Variants in KCNH8 observed in about 807,000 individuals in gnomAD.
The protein encoded by KCNH8 is potassium voltage-gated channel subfamily H member 8, also known as voltage-gated delayed rectifier potassium channel KCNH8.
In KCNH8, 70 loss-of-function variants were observed where a neutral mutation model predicts 103.6. The ratio of observed to expected loss-of-function variants is 0.68; its 90% confidence interval spans 0.56 to 0.82. The LOEUF (loss-of-function observed/expected upper bound fraction) is 0.82. Ranked by LOEUF, KCNH8 falls within the 40% of genes least tolerant of loss-of-function variation. KCNH8 has a pLI of 0.00. For missense variants in KCNH8, 1,217 were observed against 1,329.9 expected (o/e 0.92, Z 1.32); for synonymous variants, 498 against 489.4 (o/e 1.02, Z -0.23).
At chr3:19,368,897 TAA>T (rs2066048890) in intron 5 of KCNH8, among the ~76,000 whole-genome samples, 1 of 152,042 alleles carries the variant, frequency 6.6e-6, no homozygotes, top group African/African-American at 2.4e-5. Flanking sequence ...TCAAAATATT[TAA>T]AGTTTAGTTA....
chr3:19,246,680 G>A (rs995774303), intron 1 of KCNH8, among the ~76,000 whole-genome samples: 8 of 151,978 alleles, frequency 5.3e-5, no homozygotes, highest in African/African-American at 1.2e-4. Context: ...ATCCTCAGCC[G>A]CATACTCCTT....
At chr3:19,179,702 A>C (rs1447401639) in intron 1 of KCNH8, among the ~76,000 whole-genome samples, 8 of 152,186 alleles carry the variant, frequency 5.3e-5, no homozygotes, top group Non-Finnish European at 4.4e-5. Context: ...GTAAAGTCGT[A>C]GGGGAAACAG....
At chr3:19,232,013 A>AT (rs1486185158) in intron 1 of KCNH8, among the ~76,000 whole-genome samples, 2 of 152,210 alleles carry the variant, frequency 1.3e-5, no homozygotes, top group African/African-American at 4.8e-5. Flanking sequence ...AGAGGTCACT[A>AT]TGCTGAATTG....
At chr3:19,358,175 TC>T (rs869049638) in intron 5 of KCNH8, among the ~76,000 whole-genome samples, 1 of 40,574 alleles carries the variant, frequency 2.5e-5, no homozygotes, top group Non-Finnish European at 4.4e-5. Context: ...TTCCTTTTCT[TC>T]CTTCCTTCCT....
chr3:19,413,149 GAA>G (rs34011275), intron 7 of KCNH8, among the ~76,000 whole-genome samples: 92,707 of 147,856 alleles, frequency 0.63, 28,941 homozygotes, highest in Middle Eastern at 0.7. Context: ...ATTGGATAAA[GAA>G]AATGTAGTAA....
chr3:19,441,535 A>G (rs2067284352), intron 8 of KCNH8, among the ~76,000 whole-genome samples: 1 of 152,224 alleles, frequency 6.6e-6, no homozygotes, highest in South Asian at 2.1e-4. Flanking sequence ...ACAACCAGTT[A>G]GTAAAGATGC....
At chr3:19,320,549 T>G (rs2065336220) in intron 3 of KCNH8, among the ~76,000 whole-genome samples, 1 of 152,056 alleles carries the variant, frequency 6.6e-6, no homozygotes. Context: ...TGGTGGATTA[T>G]CGTTTTGATA....
intron 3 of KCNH8, among the ~76,000 whole-genome samples, chr3:19,293,371 G>A (rs544011915): frequency 6.6e-6 from 1 of 152,274 alleles, no homozygotes; most frequent in East Asian, 1.9e-4. Flanking sequence ...TTGAAACAGA[G>A]CTCCTATCAC....
intron 7 of KCNH8, among the ~76,000 whole-genome samples, chr3:19,404,172 A>T (rs1018142764): frequency 5.3e-5 from 8 of 151,858 alleles, no homozygotes; most frequent in Non-Finnish European, 1.2e-4. Context: ...CTTTTTCTGT[A>T]TTTCCTGTCT....
intron 1 of KCNH8, among the ~76,000 whole-genome samples, chr3:19,187,538 T>C (rs552652821): frequency 6.6e-6 from 1 of 152,148 alleles, no homozygotes; most frequent in Non-Finnish European, 1.5e-5. Context: ...CACGACCTGA[T>C]GGAGTAAAAA....
intron 3 of KCNH8, among the ~76,000 whole-genome samples, chr3:19,311,479 A>G (rs2065207909): frequency 6.6e-6 from 1 of 151,058 alleles, no homozygotes; most frequent in South Asian, 2.1e-4. Context: ...TGCAATATAT[A>G]TTAAATAATA....
At chr3:19,353,351 G>A (rs2065832017) in intron 5 of KCNH8, among the ~76,000 whole-genome samples, 1 of 152,286 alleles carries the variant, frequency 6.6e-6, no homozygotes, top group South Asian at 2.1e-4. Flanking sequence ...CAAATCAACA[G>A]CAAAAGAGGG....
At chr3:19,334,561 C>A (rs1180776089) in intron 3 of KCNH8, among the ~76,000 whole-genome samples, 1 of 151,786 alleles carries the variant, frequency 6.6e-6, no homozygotes, top group Non-Finnish European at 1.5e-5. Context: ...AACTGAGTCA[C>A]AGGCTTTTTT....
chr3:19,519,189 C>CCTAT (rs1228887003), intron 15 of KCNH8, among the ~76,000 whole-genome samples: 1 of 151,836 alleles, frequency 6.6e-6, no homozygotes, highest in Non-Finnish European at 1.5e-5. Flanking sequence ...AAAACCTGTG[C>CCTAT]CTATCTTTGG....
intron 11 of KCNH8, among the ~76,000 whole-genome samples, chr3:19,478,701 T>C (rs2068025155): frequency 1.3e-5 from 2 of 152,144 alleles, no homozygotes; most frequent in Admixed American, 6.5e-5. Flanking sequence ...GTTATTGCCA[T>C]CACTTTTGAG....
At chr3:19,521,617 A>T (rs573060409) in intron 15 of KCNH8, among the ~76,000 whole-genome samples, 1 of 151,904 alleles carries the variant, frequency 6.6e-6, no homozygotes, top group South Asian at 2.1e-4. Context: ...AAATGAATGG[A>T]CCTAAGAAGA....
Position 19,238,094 on chromosome 3 carries a change from G to A in KCNH8, c.77-15560G>A, listed in dbSNP as rs1030471842. 2.4e-4 allele frequency among the ~76,000 whole-genome samples: 37 copies of A among 152,306 alleles called. 2 individuals are homozygous for A. Among genetic ancestry groups the A allele is most frequent in the Admixed American group, 1.9e-3 (29 of 15,292 alleles). On this transcript the variant is annotated intron_variant, in intron 1 of 15. Transcript: ENST00000328405. ...TTCAAATGGCGTCAGAAGTCATCTA[G>A]GCTGTTTCTGCACCTCATGGTAGTC... is the stretch of plus-strand genomic sequence containing the variant.
chr3:19,282,826 T>C (rs1374379604), intron 3 of KCNH8, among the ~76,000 whole-genome samples: 1 of 152,174 alleles, frequency 6.6e-6, no homozygotes, highest in Non-Finnish European at 1.5e-5. Flanking sequence ...CCATCCACGT[T>C]CTGAATCAGC....
intron 2 of KCNH8, among the ~76,000 whole-genome samples, chr3:19,272,431 C>T (rs1007890981): frequency 1.3e-5 from 2 of 152,074 alleles, no homozygotes; most frequent in Non-Finnish European, 2.9e-5. Context: ...TGCTCTGAAA[C>T]GCATCACCGG....
Sources: gnomAD v4.1 joint callset for allele counts (sites outside exome capture counted in the v4.1 genomes callset) on GRCh38, gnomAD v4.1.1 for gene constraint, MANE v1.5 for transcripts, NCBI Gene and HGNC (gene_info 2026-07-23, HGNC 2026-07-21) for gene names.